The following MEF2C variants were observed in gnomAD, a reference collection of about 807,000 sequenced individuals.
MEF2C encodes the protein myocyte enhancer factor 2C, also known as myocyte-specific enhancer factor 2C.
A neutral mutation model predicts 50.5 loss-of-function variants in MEF2C; 6 were observed. The observed-to-expected ratio is 0.12, with a 90% CI of 0.07 to 0.23. The LOEUF is 0.23. MEF2C is among the 10% of genes least tolerant of loss of function. The pLI, the probability that MEF2C is intolerant of heterozygous loss-of-function variation, is 1.00. For synonymous variants in MEF2C, 183 were observed against 228.0 expected (o/e 0.80, Z 1.78); for missense variants, 276 against 605.0 (o/e 0.46, Z 5.70).
At chr5:88,738,279 A>G in intron 6 of MEF2C, 2 of 985,000 alleles carry the variant, frequency 2.0e-6, no homozygotes, top group Non-Finnish European at 2.4e-6. Flanking sequence ...ATCCAACAAT[A>G]TTAGCAATCG....
At chr5:88,881,505 T>C (rs892394563) in intron 1 of MEF2C, among the ~76,000 whole-genome samples, 1 of 152,190 alleles carries the variant, frequency 6.6e-6, no homozygotes, top group African/African-American at 2.4e-5. Flanking sequence ...AAAACTGACA[T>C]TTTTTAAAAT....
intron 1 of MEF2C, among the ~76,000 whole-genome samples, chr5:88,857,590 G>A (rs1823903932): frequency 6.6e-6 from 1 of 152,134 alleles, no homozygotes; most frequent in African/African-American, 2.4e-5. Flanking sequence ...ACTTGTAATG[G>A]GAGAGACCAA....
intron 7 of MEF2C, among the ~76,000 whole-genome samples, chr5:88,730,663 C>T (rs1050637958): frequency 2.0e-5 from 3 of 152,160 alleles, no homozygotes; most frequent in African/African-American, 7.2e-5. Context: ...CTGCCATGCA[C>T]GGCCCACACT....
intron 1 of MEF2C, chr5:88,877,811 T>C (rs1831534912): frequency 6.6e-6 from 1 of 152,020 alleles, no homozygotes; most frequent in African/African-American, 2.4e-5. Flanking sequence ...TAGACTTTTT[T>C]TCAGTATTCA....
chr5:88,800,174 C>T (rs1056449072), intron 3 of MEF2C, among the ~76,000 whole-genome samples: 9 of 152,106 alleles, frequency 5.9e-5, no homozygotes, highest in Non-Finnish European at 1.2e-4. Context: ...CTAAGTGATA[C>T]TCCCATAAGG....
chr5:88,869,052 T>A (rs908553420), intron 1 of MEF2C, among the ~76,000 whole-genome samples: 1 of 151,698 alleles, frequency 6.6e-6, no homozygotes, highest in Non-Finnish European at 1.5e-5. Context: ...AATTTAGCAA[T>A]TAATCTATAT....
At chr5:88,782,254 G>A (rs1355854890) in intron 3 of MEF2C, 2 of 723,506 alleles carry the variant, frequency 2.8e-6, no homozygotes, top group Admixed American at 6.3e-5. Context: ...GATCACTTGA[G>A]CCCAGGAATT....
At chr5:88,761,973 GAGA>G (rs147822751) in intron 3 of MEF2C, 4,767 of 152,266 alleles carry the variant, frequency 0.031, 122 homozygotes, top group Non-Finnish European at 0.043. Context: ...TTATAATACT[GAGA>G]AGGTCTCTTC....
intron 1 of MEF2C, among the ~76,000 whole-genome samples, chr5:88,870,266 AAT>A (rs983113715): frequency 1.3e-5 from 2 of 152,048 alleles, no homozygotes; most frequent in Non-Finnish European, 2.9e-5. Context: ...TTTGGTCAAA[AAT>A]ATGTTTGGAA....
intron 1 of MEF2C, chr5:88,844,570 G>T: frequency 1.4e-6 from 1 of 695,464 alleles, no homozygotes; most frequent in Non-Finnish European, 1.8e-6. Flanking sequence ...ACCACTCTTT[G>T]AAAACTGGGA....
chr5:88,894,972 G>A (rs973487344), intron 1 of MEF2C, among the ~76,000 whole-genome samples: 5 of 152,138 alleles, frequency 3.3e-5, no homozygotes, highest in African/African-American at 7.2e-5. Context: ...GTAAAATGGG[G>A]AAGGTGGCAG....
intron 1 of MEF2C, among the ~76,000 whole-genome samples, chr5:88,838,989 A>G (rs1816250944): frequency 6.6e-6 from 1 of 152,202 alleles, no homozygotes; most frequent in Non-Finnish European, 1.5e-5. Context: ...TTGTATAAGA[A>G]CAGCTGACAT....
chr5:88,806,706 C>T (rs777194220), intron 2 of MEF2C, among the ~76,000 whole-genome samples: 3 of 151,044 alleles, frequency 2.0e-5, no homozygotes, highest in African/African-American at 7.3e-5. Context: ...TTCAAATATA[C>T]AAAATATACA....
chr5:88,761,106 T>C (rs184369949), intron 4 of MEF2C, 79 bp downstream of exon 4: 49 of 1,614,032 alleles, frequency 3.0e-5, no homozygotes, highest in Non-Finnish European at 1.7e-5. Flanking sequence ...ACAGCCTTTG[T>C]TTTCTTTCTT....
At chr5:88,744,103 C>T (rs1008406468) in intron 6 of MEF2C, 4 of 984,712 alleles carry the variant, frequency 4.1e-6, no homozygotes, top group Non-Finnish European at 4.8e-6. Context: ...AAAAGGCAAT[C>T]GTATTATCAA....
chr5:88,824,220 A>T (rs1809838299), intron 1 of MEF2C: 1 of 976,816 alleles, frequency 1.0e-6, no homozygotes, highest in African/African-American at 1.8e-5. Flanking sequence ...TTTTGTAAAA[A>T]GTTTCCTAAT....
At chr5:88,770,115 A>C (rs1409315510) in intron 3 of MEF2C, 3 of 516,790 alleles carry the variant, frequency 5.8e-6, no homozygotes, top group Non-Finnish European at 7.5e-6. Context: ...AAAGGAGTAA[A>C]TTAATATAAG....
chr5:88,873,708 ATTTTTTTTTTTTT>A lies in MEF2C; in HGVS notation c.-143+9234_-143+9246del, dbSNP rs199642010. ...TGCAAATCTATCAATGTCGTCACGG[ATTTTTTTTTTTTT>A]TTTTTTTTTTTTTTTTTGGTTTATG... is the stretch of plus-strand genomic sequence containing the variant. On this transcript the variant is annotated intron_variant, in intron 1 of 10. Coordinates refer to ENST00000504921, the MANE Select transcript of MEF2C (RefSeq NM_002397.5). Among the ~76,000 whole-genome samples, 300 of 93,822 alleles carry A rather than the reference ATTTTTTTTTTTTT, an allele frequency of 3.2e-3. 3 individuals are homozygous for A. Among genetic ancestry groups the A allele is most frequent in the South Asian group, 0.011 (30 of 2,726 alleles). 61.6% of individuals were successfully genotyped at this position (93,822 alleles called of 152,430 possible).
intron 1 of MEF2C, among the ~76,000 whole-genome samples, chr5:88,861,579 A>G (rs529309228): frequency 4.6e-5 from 7 of 152,314 alleles, no homozygotes; most frequent in African/African-American, 1.7e-4. Flanking sequence ...CCTGACACTT[A>G]ATAGATTTAT....
Sources: allele counts gnomAD v4.1 joint callset (sites outside exome capture counted in the v4.1 genomes callset), GRCh38; gene constraint gnomAD v4.1.1; transcripts MANE v1.5; gene names NCBI Gene and HGNC (gene_info 2026-07-23, HGNC 2026-07-21).